DDX19A: variants seen among roughly 807,000 people sequenced by gnomAD.
DDX19A encodes DEAD-box helicase 19A.
In DDX19A, 12 loss-of-function variants were observed where a neutral mutation model predicts 60.6. That is an observed-to-expected ratio of 0.20 (90% CI 0.13 to 0.32). The LOEUF (loss-of-function observed/expected upper bound fraction) is 0.32, where lower values mean the gene tolerates loss of function less well. DDX19A is among the 10% of genes least tolerant of loss of function. The probability of loss-of-function intolerance (pLI) is 1.00; values close to 1 mark genes in which losing one functional copy is unlikely to be tolerated. For synonymous variants in DDX19A, 206 were observed against 218.2 expected, an observed-to-expected ratio of 0.94 and a Z score of 0.49; for missense variants, 337 against 600.6, an observed-to-expected ratio of 0.56 and a Z score of 4.59.
At position 70,372,730 on chromosome 16, in the gene DDX19A, C is replaced by T. The variant is rs2047295969; in HGVS notation, c.*744C>T. On this transcript the variant is annotated 3_prime_UTR_variant, in exon 12 of 12. Transcript: ENST00000302243. ...TGCCTTCTCTTCTCTCGGTTGCTCC[C>T]TCTGCCTAGGCCCCTGGTACTCAGT... The T allele has an allele frequency of 6.6e-6, 1 of 152,508 alleles. No homozygotes were observed. Among genetic ancestry groups the T allele is most frequent in the South Asian group, 2.1e-4 (1 of 4,838 alleles). 9.4% of individuals were successfully genotyped at this position (152,508 alleles called of 1,614,324 possible).
intron 7 of DDX19A, chr16:70,365,554 G>T: frequency 5.2e-6 from 1 of 191,592 alleles, no homozygotes; most frequent in South Asian, 9.0e-5. Context: ...TGGGAGGCCA[G>T]GGTGGGAGGA....
chr16:70,363,563 C>G (rs753295713), intron 5 of DDX19A: 1 of 151,932 alleles, frequency 6.6e-6, no homozygotes, highest in Non-Finnish European at 1.5e-5. Context: ...TCTCGAACTG[C>G]TGACCTCGTG....
At chr16:70,370,936 C>T (rs1373425365) in intron 10 of DDX19A, 4 of 243,598 alleles carry the variant, frequency 1.6e-5, no homozygotes, top group Middle Eastern at 1.6e-3. Context: ...GTGGAGGTTA[C>T]GGTGAGTGAG....
chr16:70,355,573 G>A lies in DDX19A; in HGVS notation c.157+38G>A, dbSNP rs1301270793. The stretch of plus-strand genomic sequence containing the variant: ...GGATGCCCTTGGCAAGAGACGGTAT[G>A]ACCCAGGGCTTGCCTTCCTGGAGCC... On this transcript the variant is annotated intron_variant, in intron 3 of 11. Transcript: ENST00000302243. 7 of 1,577,850 alleles carry A rather than the reference G, an allele frequency of 4.4e-6. No homozygotes were observed. The East Asian group carries it at 1.1e-4, about 25-fold the overall frequency.
chr16:70,354,143 G>GTT (rs572652241), intron 2 of DDX19A, among the ~76,000 whole-genome samples: 1 of 146,102 alleles, frequency 6.8e-6, no homozygotes, highest in Non-Finnish European at 1.5e-5. Context: ...TATTTCTGGG[G>GTT]TTTTTTTTTT....
chr16:70,356,767 C>A, intron 4 of DDX19A: 2 of 679,680 alleles, frequency 2.9e-6, no homozygotes, highest in Non-Finnish European at 4.2e-6. Context: ...CTTGGCTATC[C>A]TGTTCTCTTG....
chr16:70,365,207 C>T (rs1485319561), intron 7 of DDX19A, 76 bp downstream of exon 7: 5 of 956,390 alleles, frequency 5.2e-6, no homozygotes, highest in East Asian at 2.4e-5. Flanking sequence ...ATGCGATGAC[C>T]GTATTCAACT....
chr16:70,361,808 G>A (rs921317289), intron 5 of DDX19A, among the ~76,000 whole-genome samples: 3 of 151,962 alleles, frequency 2.0e-5, no homozygotes, highest in African/African-American at 4.8e-5. Flanking sequence ...AGGCCGAGGC[G>A]GGCGGATCAC....
Position 70,371,964 on chromosome 16 carries a change from A to G in DDX19A, c.1415A>G (p.Glu472Gly). ...AGATTGGACACAGATGATTTGGACG[A>G]GATTGAGAAAATAGCCAACTGAGAA... is the stretch of plus-strand genomic sequence containing the variant. The part of the protein sequence containing the change: ...IERLDTDDLD[E>G]IEKIAN The change falls in exon 12 of 12, where the codon GAG becomes GGG. Residue 472 changes from glutamate (E) to glycine (G), a missense_variant. Transcript: ENST00000302243. The G allele has an allele frequency of 4.3e-6, 7 of 1,613,998 alleles. No homozygotes were observed. The highest frequency in any genetic ancestry group is 5.9e-6 in the Non-Finnish European group (7 of 1,179,866).
chr16:70,349,700 T>TA (rs1963955150), intron 1 of DDX19A, among the ~76,000 whole-genome samples: 2 of 152,326 alleles, frequency 1.3e-5, no homozygotes, highest in Middle Eastern at 6.8e-3. Context: ...CTCTGGAGTT[T>TA]AAAATCTAGC....
chr16:70,357,271 AT>A (rs1169052716), intron 4 of DDX19A, among the ~76,000 whole-genome samples: 9,840 of 64,358 alleles, frequency 0.15, 846 homozygotes, highest in African/African-American at 0.27. Flanking sequence ...AAAAAAAAAA[AT>A]ATATATATAT....
In DDX19A at chr16:70,372,794, A is replaced by G. The variant is rs889605342; in HGVS notation, c.*808A>G. 1 of 152,182 alleles carries G rather than the reference A, an allele frequency of 6.6e-6. No individual in the cohort carries two copies. The allele number at this position is 152,182 out of a possible 1,614,324, so 9.4% of individuals were successfully genotyped here. On this transcript the variant is annotated 3_prime_UTR_variant, in exon 12 of 12. Transcript: ENST00000302243. ...AGACCCCAGGTGAGTTTCTGAGCGC[A>G]TACGTAGTTGGTTCTTACCCCCAGG...
In DDX19A at chr16:70,366,301, A is replaced by G. The variant is rs763815071; in HGVS notation, c.782+39A>G. On this transcript the variant is annotated intron_variant, in intron 8 of 11. Coordinates refer to ENST00000302243, the MANE Select transcript of DDX19A (RefSeq NM_018332.5). The stretch of plus-strand genomic sequence containing the variant: ...GGGTGGGGGACTCCTCAGACTCCCC[A>G]TCTGCAGTGTCTTCTCCCTTCACTT... The G allele has an allele frequency of 2.5e-6, 4 of 1,612,852 alleles. No individual in the cohort carries two copies. In the Admixed American group the frequency reaches 6.7e-5, roughly 27 times the overall value.
intron 1 of DDX19A, chr16:70,347,823 T>C (rs1325712211): frequency 4.1e-6 from 1 of 243,480 alleles, no homozygotes; most frequent in Non-Finnish European, 8.5e-6. Context: ...CCCGAGTAGC[T>C]GGGATTACAG....
intron 5 of DDX19A, chr16:70,363,846 TCTC>T (rs555749264): frequency 6.6e-6 from 1 of 152,228 alleles, no homozygotes; most frequent in African/African-American, 2.4e-5. Context: ...TTCATGCCAT[TCTC>T]CTGCCTCAAC....
intron 8 of DDX19A, 29 bp from the exon 9 acceptor site, chr16:70,366,595 G>A (rs765499676): frequency 9.9e-6 from 16 of 1,613,446 alleles, no homozygotes; most frequent in Middle Eastern, 1.6e-4. Flanking sequence ...GGGCCACCTG[G>A]GGCCATCTAC....
chr16:70,372,388 C>T lies in DDX19A; in HGVS notation c.*402C>T, dbSNP rs1041188133. The stretch of plus-strand genomic sequence containing the variant: ...GAGTGGAAAATGGTGTGAGCCCCAC[C>T]GCTGTGCATCGAATGAGGGAAGTGG... On this transcript the variant is annotated 3_prime_UTR_variant, in exon 12 of 12. Coordinates refer to ENST00000302243, the MANE Select transcript of DDX19A (RefSeq NM_018332.5). The T allele has an allele frequency of 3.4e-4, 91 of 266,650 alleles. No individual in the cohort carries two copies. The Middle Eastern group carries it at 4.3e-3, about 13-fold the overall frequency. The allele number at this position is 266,650 out of a possible 1,614,324, so 16.5% of individuals were successfully genotyped here.
intron 4 of DDX19A, among the ~76,000 whole-genome samples, chr16:70,360,495 T>G (rs1964334962): frequency 6.6e-6 from 1 of 150,982 alleles, no homozygotes; most frequent in South Asian, 2.1e-4. Context: ...TCATTTTTCT[T>G]TTTTGTTTTG....
chr16:70,359,133 A>G (rs1447697330), intron 4 of DDX19A, among the ~76,000 whole-genome samples: 1 of 152,208 alleles, frequency 6.6e-6, no homozygotes, highest in Admixed American at 6.5e-5. Context: ...GAATGAAACC[A>G]AGATCACCTA....
Sources: allele counts gnomAD v4.1 joint callset (sites outside exome capture counted in the v4.1 genomes callset), GRCh38; gene constraint gnomAD v4.1.1; transcripts MANE v1.5; gene names NCBI Gene and HGNC (gene_info 2026-07-23, HGNC 2026-07-21).